The following EFR3A variants were observed in gnomAD, a reference collection of about 807,000 sequenced individuals.
EFR3A encodes the protein protein EFR3 homolog A.
A neutral mutation model predicts 104.4 loss-of-function variants in EFR3A; 76 were observed. The observed-to-expected ratio is 0.73, with a 90% CI of 0.60 to 0.88. The LOEUF (loss-of-function observed/expected upper bound fraction) is 0.88, where lower values mean the gene tolerates loss of function less well. Ranked by LOEUF, EFR3A falls within the 40% of genes least tolerant of loss-of-function variation. The pLI is 0.00. For synonymous variants in EFR3A, 330 were observed against 330.0 expected (o/e 1.00, Z 0.00); for missense variants, 985 against 1,012.5 (o/e 0.97, Z 0.37).
intron 1 of EFR3A, among the ~76,000 whole-genome samples, chr8:131,905,278 AACT>A (rs1816195005): frequency 6.6e-6 from 1 of 152,222 alleles, no homozygotes; most frequent in African/African-American, 2.4e-5. Flanking sequence ...TAGAATTCAT[AACT>A]ACTTCTAGTT....
At chr8:131,985,161 T>A in intron 16 of EFR3A, 101 bp downstream of exon 16, 1 of 1,194,148 alleles carries the variant, frequency 8.4e-7, no homozygotes, top group Non-Finnish European at 1.2e-6. Context: ...CGTATCAAAT[T>A]AAGGTAATTC....
intron 22 of EFR3A, among the ~76,000 whole-genome samples, chr8:132,007,736 A>G (rs1192615608): frequency 6.6e-6 from 1 of 152,058 alleles, no homozygotes; most frequent in Non-Finnish European, 1.5e-5. Context: ...AAGCCAGAGT[A>G]GTCAAGACAT....
At chr8:131,983,470 T>C (rs1382470739) in intron 14 of EFR3A, among the ~76,000 whole-genome samples, 2 of 151,970 alleles carry the variant, frequency 1.3e-5, no homozygotes, top group Non-Finnish European at 2.9e-5. Context: ...TATCCAGGAA[T>C]GCTTTAGAAA....
chr8:131,940,843 C>G (rs1263928750), intron 2 of EFR3A, among the ~76,000 whole-genome samples: 1 of 152,208 alleles, frequency 6.6e-6, no homozygotes, highest in East Asian at 1.9e-4. Flanking sequence ...CTAAGTAACA[C>G]TGTCGCATTA....
intron 11 of EFR3A, among the ~76,000 whole-genome samples, 189 bp downstream of exon 11, chr8:131,976,330 C>A (rs1241229632): frequency 1.3e-5 from 2 of 152,066 alleles, no homozygotes; most frequent in African/African-American, 4.8e-5. Context: ...CCTTTAGAAT[C>A]ATTTTCAGCT....
chr8:131,904,172 TCCGCTC>T lies in EFR3A; in HGVS notation c.-138_-133del. The T allele has an allele frequency of 3.0e-6, 3 of 999,740 alleles. No homozygotes were observed. The South Asian group carries it at 1.4e-4, about 46-fold the overall frequency. 61.9% of individuals were successfully genotyped at this position (999,740 alleles called of 1,614,324 possible). A position where few individuals can be genotyped will look rare whatever the true frequency, so the allele number is the denominator to read the frequency against. The stretch of plus-strand genomic sequence containing the variant: ...TGGTTGCGTGACCGCGGGGTCCGCG[TCCGCTC>T]CCTCCACCCTTCGCCCTTCGCCCTT... On this transcript the variant is annotated 5_prime_UTR_variant, in exon 1 of 23. Transcript: ENST00000254624.
At chr8:131,965,851 C>T (rs1819686434) in intron 8 of EFR3A, among the ~76,000 whole-genome samples, 1 of 151,950 alleles carries the variant, frequency 6.6e-6, no homozygotes, top group African/African-American at 2.4e-5. Flanking sequence ...GAAAATGTGG[C>T]ACATATACAC....
rs1267066310 is a variant in EFR3A, at chr8:132,011,998, GGT to G, written c.*1105_*1106del. 1 of 152,058 alleles carries G rather than the reference GGT, an allele frequency of 6.6e-6. No individual in the cohort carries two copies. Among genetic ancestry groups the G allele is most frequent in the East Asian group, 1.9e-4 (1 of 5,188 alleles). The allele number at this position is 152,058 out of a possible 1,614,324, so 9.4% of individuals were successfully genotyped here. The stretch of plus-strand genomic sequence containing the variant: ...TTTGATTTCAGCTACCAAGATCACA[GGT>G]GCACTCTACACATAACACTGACAGA... On this transcript the variant is annotated 3_prime_UTR_variant, in exon 23 of 23. Coordinates refer to ENST00000254624, the MANE Select transcript of EFR3A (RefSeq NM_015137.6).
At chr8:131,970,749 G>A (rs1820008115) in intron 10 of EFR3A, 106 bp downstream of exon 10, 3 of 1,131,994 alleles carry the variant, frequency 2.7e-6, no homozygotes, top group Non-Finnish European at 3.7e-6. Context: ...ATGAATGATA[G>A]CTTAAATTTC....
At chr8:131,928,127 G>A (rs1817396232) in intron 1 of EFR3A, among the ~76,000 whole-genome samples, 1 of 151,604 alleles carries the variant, frequency 6.6e-6, no homozygotes, top group African/African-American at 2.4e-5. Context: ...GTGTAGTTAA[G>A]TACCTTATAA....
At chr8:131,949,944 A>G (rs1486804948) in intron 4 of EFR3A, 25 bp from the exon 5 acceptor site, 1 of 1,556,030 alleles carries the variant, frequency 6.4e-7, no homozygotes, top group Non-Finnish European at 8.7e-7. Flanking sequence ...AAGGTGAAGT[A>G]TATTATATTA....
chr8:131,965,614 G>A (rs1819662568), intron 8 of EFR3A, among the ~76,000 whole-genome samples: 1 of 152,154 alleles, frequency 6.6e-6, no homozygotes, highest in Non-Finnish European at 1.5e-5. Flanking sequence ...CTGTTGGTGG[G>A]ACTGTAAACT....
chr8:131,945,496 A>C (rs1041191588), intron 3 of EFR3A, among the ~76,000 whole-genome samples: 1 of 152,028 alleles, frequency 6.6e-6, no homozygotes, highest in Non-Finnish European at 1.5e-5. Context: ...GGAGTATTCT[A>C]TTCTCCAAGT....
intron 18 of EFR3A, among the ~76,000 whole-genome samples, chr8:131,991,223 C>T (rs765758039): frequency 1.3e-5 from 2 of 152,058 alleles, no homozygotes; most frequent in Non-Finnish European, 1.5e-5. Flanking sequence ...TTCACTATCA[C>T]GAGACTAATG....
At chr8:131,914,545 A>G (rs1237848329) in intron 1 of EFR3A, among the ~76,000 whole-genome samples, 2 of 152,104 alleles carry the variant, frequency 1.3e-5, no homozygotes, top group Non-Finnish European at 2.9e-5. Flanking sequence ...TTTCTTCCAC[A>G]GAGTATAATA....
chr8:132,002,575 T>C (rs1586679217), intron 20 of EFR3A, 28 bp from the exon 21 acceptor site: 1 of 1,564,702 alleles, frequency 6.4e-7, no homozygotes, highest in African/African-American at 1.4e-5. Flanking sequence ...GTATTCCCTT[T>C]AATAAGTCTT....
At chr8:131,905,287 T>C (rs939432529) in intron 1 of EFR3A, among the ~76,000 whole-genome samples, 3 of 152,244 alleles carry the variant, frequency 2.0e-5, no homozygotes, top group African/African-American at 7.2e-5. Context: ...TAACTACTTC[T>C]AGTTGTCCTT....
At chr8:132,004,572 C>T (rs754279712) in intron 22 of EFR3A, among the ~76,000 whole-genome samples, 7 of 152,144 alleles carry the variant, frequency 4.6e-5, no homozygotes, top group Non-Finnish European at 1.0e-4. Flanking sequence ...AAAAGGTCGG[C>T]GACTGTTGTG....
At chr8:131,984,761 G>A (rs976523780) in intron 15 of EFR3A, among the ~76,000 whole-genome samples, 168 bp from the exon 16 acceptor site, 3 of 152,160 alleles carry the variant, frequency 2.0e-5, no homozygotes, top group Non-Finnish European at 4.4e-5. Flanking sequence ...TAACTCTCTT[G>A]TAAAAGAACA....
Sources: allele counts gnomAD v4.1 joint callset (sites outside exome capture counted in the v4.1 genomes callset), GRCh38; gene constraint gnomAD v4.1.1; transcripts MANE v1.5; gene names NCBI Gene and HGNC (gene_info 2026-07-23, HGNC 2026-07-21).